The following CCDC148 variants were observed in gnomAD, a reference collection of about 807,000 sequenced individuals.
CCDC148 encodes the protein coiled-coil domain-containing protein 148.
CCDC148 carries 89 observed loss-of-function variants against 85.7 expected under a neutral mutation model. The observed-to-expected ratio is 1.04, with a 90% CI of 0.87 to 1.24. CCDC148 has a LOEUF of 1.24. Among genes scored for constraint, CCDC148 ranks in the 50% most tolerant of loss-of-function variants. The pLI, the probability that CCDC148 is intolerant of heterozygous loss-of-function variation, is 0.00. For synonymous variants in CCDC148, 230 were observed against 213.9 expected (o/e 1.08, Z -0.66); for missense variants, 692 against 671.7 (o/e 1.03, Z -0.33).
At chr2:158,295,809 T>G (rs893030716) in intron 9 of CCDC148, among the ~76,000 whole-genome samples, 1 of 151,188 alleles carries the variant, frequency 6.6e-6, no homozygotes, top group African/African-American at 2.4e-5. Flanking sequence ...CTTTGAAAAC[T>G]GGCACAAGAC....
At chr2:158,348,888 A>T (rs6720543) in intron 2 of CCDC148, among the ~76,000 whole-genome samples, 6,678 of 152,180 alleles carry the variant, frequency 0.044, 247 homozygotes, top group African/African-American at 0.097. Context: ...ATTCAAATTT[A>T]AAAATAATTG....
intron 8 of CCDC148, among the ~76,000 whole-genome samples, chr2:158,311,996 T>C (rs1692041460): frequency 6.6e-6 from 1 of 152,206 alleles, no homozygotes; most frequent in Non-Finnish European, 1.5e-5. Flanking sequence ...AAAACATGTG[T>C]CTTCCAAAAT....
At chr2:158,333,117 T>C (rs747391675) in intron 7 of CCDC148, among the ~76,000 whole-genome samples, 13 of 151,784 alleles carry the variant, frequency 8.6e-5, no homozygotes, top group Non-Finnish European at 1.5e-5. Flanking sequence ...GATATTTGGG[T>C]ATCAATTTTA....
At chr2:158,184,061 T>C (rs1188393893) in intron 11 of CCDC148, among the ~76,000 whole-genome samples, 1 of 152,122 alleles carries the variant, frequency 6.6e-6, no homozygotes, top group Non-Finnish European at 1.5e-5. Context: ...TTGAAAGGCA[T>C]CACTCCTCTA....
chr2:158,351,889 A>G (rs1280526406), intron 2 of CCDC148, among the ~76,000 whole-genome samples: 5 of 149,766 alleles, frequency 3.3e-5, no homozygotes, highest in Admixed American at 2.7e-4. Flanking sequence ...GAGAACGGGC[A>G]GACTGCCTCC....
At position 158,384,574 on chromosome 2, in the gene CCDC148, T is replaced by C. The variant is rs1346273831; in HGVS notation, c.26-26004A>G. 2.6e-5 allele frequency among the ~76,000 whole-genome samples: 4 copies of C among 152,318 alleles called. No homozygotes were observed. The East Asian group carries it at 5.8e-4, about 22-fold the overall frequency. On this transcript the variant is annotated intron_variant, in intron 1 of 13. Coordinates refer to ENST00000283233, the MANE Select transcript of CCDC148 (RefSeq NM_138803.4). The stretch of plus-strand genomic sequence containing the variant: ...GCCTTCCCTTCACCTTCTGCCATGA[T>C]TGTAAGTTACCTGAGGCTGCCCCAG...
intron 1 of CCDC148, among the ~76,000 whole-genome samples, chr2:158,440,878 T>C (rs1452805250): frequency 6.6e-6 from 1 of 152,098 alleles, no homozygotes; most frequent in African/African-American, 2.4e-5. Context: ...AGCTGTTCAA[T>C]AGCCTATTAA....
chr2:158,240,452 T>TCTCACACACACACACA (rs941238898), intron 10 of CCDC148, among the ~76,000 whole-genome samples: 2 of 120,468 alleles, frequency 1.7e-5, no homozygotes, highest in African/African-American at 6.2e-5. Flanking sequence ...TCTCTCTCTC[T>TCTCACACACACACACA]CACACACACA....
intron 11 of CCDC148, among the ~76,000 whole-genome samples, chr2:158,213,956 A>G (rs967966330): frequency 6.6e-6 from 1 of 152,040 alleles, no homozygotes; most frequent in African/African-American, 2.4e-5. Context: ...CTGCATGCGA[A>G]AGAGAGACAG....
chr2:158,374,273 T>C lies in CCDC148; in HGVS notation c.26-15703A>G, dbSNP rs114138427. Among the ~76,000 whole-genome samples the C allele has an allele frequency of 3.6e-3, 543 of 152,122 alleles. 3 individuals are homozygous for C. Among genetic ancestry groups the C allele is most frequent in the Non-Finnish European group, 6.3e-3 (425 of 67,964 alleles). ...AGACCAGCTACTCAGGTGTCAATCA[T>C]AGCACACAACCCCCGCATGGAGAAA... On this transcript the variant is annotated intron_variant, in intron 1 of 13. Coordinates refer to ENST00000283233, the MANE Select transcript of CCDC148 (RefSeq NM_138803.4).
intron 1 of CCDC148, among the ~76,000 whole-genome samples, chr2:158,425,481 C>A (rs1299300724): frequency 6.7e-6 from 1 of 148,708 alleles, no homozygotes; most frequent in Non-Finnish European, 1.5e-5. Flanking sequence ...TTTGTTTTTA[C>A]TTTGTCCTTT....
At chr2:158,351,706 A>G (rs1683305280) in intron 2 of CCDC148, among the ~76,000 whole-genome samples, 1 of 152,182 alleles carries the variant, frequency 6.6e-6, no homozygotes, top group Admixed American at 6.5e-5. Context: ...AGGAAGCTCC[A>G]ACTGGGCGGA....
intron 11 of CCDC148, among the ~76,000 whole-genome samples, chr2:158,218,542 A>G (rs535488168): frequency 2.0e-5 from 3 of 152,376 alleles, no homozygotes; most frequent in Admixed American, 6.5e-5. Context: ...TCTGTAATCA[A>G]AGAAGCTCCC....
chr2:158,231,808 A>G (rs1687868793), intron 10 of CCDC148, among the ~76,000 whole-genome samples: 1 of 152,120 alleles, frequency 6.6e-6, no homozygotes, highest in Admixed American at 6.6e-5. Context: ...GTACATGGGA[A>G]CCGGGCCAAC....
chr2:158,227,404 G>T (rs1344276415), intron 10 of CCDC148, among the ~76,000 whole-genome samples: 1 of 151,992 alleles, frequency 6.6e-6, no homozygotes, highest in African/African-American at 2.4e-5. Context: ...TAGATTCAAT[G>T]CCATCCCCAT....
At chr2:158,410,905 C>T (rs1686229459) in intron 1 of CCDC148, among the ~76,000 whole-genome samples, 1 of 151,898 alleles carries the variant, frequency 6.6e-6, no homozygotes, top group Non-Finnish European at 1.5e-5. Context: ...GTGACAAACC[C>T]TTCAGTTTTT....
At chr2:158,236,944 G>C (rs1688134463) in intron 10 of CCDC148, among the ~76,000 whole-genome samples, 1 of 152,052 alleles carries the variant, frequency 6.6e-6, no homozygotes, top group African/African-American at 2.4e-5. Flanking sequence ...AAGTGCTAAG[G>C]AAAAAATGAA....
chr2:158,424,950 G>A (rs926947354), intron 1 of CCDC148: 3 of 314,548 alleles, frequency 9.5e-6, no homozygotes, highest in South Asian at 6.1e-5. Context: ...GTTCTGGGAA[G>A]TGTTAAATCA....
At chr2:158,399,704 A>T (rs893467614) in intron 1 of CCDC148, among the ~76,000 whole-genome samples, 1 of 152,160 alleles carries the variant, frequency 6.6e-6, no homozygotes, top group African/African-American at 2.4e-5. Flanking sequence ...ATTCCCTCTG[A>T]AAACCAGCAG....
Sources: allele counts gnomAD v4.1 joint callset (sites outside exome capture counted in the v4.1 genomes callset), GRCh38; gene constraint gnomAD v4.1.1; transcripts MANE v1.5; gene names NCBI Gene and HGNC (gene_info 2026-07-23, HGNC 2026-07-21).